Variants in PTPRJ observed in about 807,000 individuals in gnomAD.
The protein encoded by PTPRJ is protein tyrosine phosphatase receptor type J.
A neutral mutation model predicts 141.3 loss-of-function variants in PTPRJ; 129 were observed. That is an observed-to-expected ratio of 0.91 (90% CI 0.79 to 1.06). PTPRJ has a LOEUF of 1.06. PTPRJ is among the 50% of genes least tolerant of loss of function. PTPRJ has a pLI of 0.00. For missense variants in PTPRJ, 1,601 were observed against 1,679.7 expected (o/e 0.95, Z 0.82); for synonymous variants, 610 against 640.5 (o/e 0.95, Z 0.72).
intron 14 of PTPRJ, among the ~76,000 whole-genome samples, chr11:48,145,901 G>A (rs1857339342): frequency 6.6e-6 from 1 of 152,136 alleles, no homozygotes; most frequent in Non-Finnish European, 1.5e-5. Context: ...CTGTTGCCCA[G>A]GAGTACAGTG....
intron 1 of PTPRJ, among the ~76,000 whole-genome samples, chr11:48,053,936 T>G (rs1854679315): frequency 6.9e-6 from 1 of 145,466 alleles, no homozygotes; most frequent in Non-Finnish European, 1.5e-5. Context: ...CGTTCTTTTT[T>G]TTTTTTTTTT....
At chr11:48,149,546 C>A in intron 16 of PTPRJ, 58 bp downstream of exon 16, 1 of 1,142,662 alleles carries the variant, frequency 8.8e-7, no homozygotes, top group Non-Finnish European at 1.2e-6. Context: ...CGGTGACTAT[C>A]TATAAATAAT....
At chr11:48,159,161 G>GT (rs60389100) in intron 21 of PTPRJ, among the ~76,000 whole-genome samples, 2 of 130,514 alleles carry the variant, frequency 1.5e-5, no homozygotes, top group Admixed American at 7.9e-5. Context: ...GTGTGTGTGT[G>GT]GTCATTTGCC....
At chr11:48,052,997 A>G (rs1854614925) in intron 1 of PTPRJ, among the ~76,000 whole-genome samples, 1 of 145,622 alleles carries the variant, frequency 6.9e-6, no homozygotes, top group Non-Finnish European at 1.5e-5. Flanking sequence ...GGTGGCCACC[A>G]CTCATCGCCA....
intron 3 of PTPRJ, among the ~76,000 whole-genome samples, chr11:48,117,225 A>G (rs891453360): frequency 2.6e-5 from 4 of 152,206 alleles, no homozygotes; most frequent in African/African-American, 9.6e-5. Context: ...AAGAAAGTTG[A>G]CAGCAATAAA....
At chr11:47,995,808 G>T (rs910021977) in intron 1 of PTPRJ, among the ~76,000 whole-genome samples, 1 of 152,216 alleles carries the variant, frequency 6.6e-6, no homozygotes, top group Admixed American at 6.5e-5. Flanking sequence ...GGGAGGCTGA[G>T]GCGGGCGGAT....
chr11:48,140,827 G>C (rs1857214300), intron 11 of PTPRJ, among the ~76,000 whole-genome samples: 1 of 146,626 alleles, frequency 6.8e-6, no homozygotes, highest in Non-Finnish European at 1.5e-5. Flanking sequence ...TTTCTGTGAA[G>C]TATTAATGAG....
intron 21 of PTPRJ, 40 bp from the exon 22 acceptor site, chr11:48,159,890 A>T: frequency 6.2e-7 from 1 of 1,610,756 alleles, no homozygotes; most frequent in Non-Finnish European, 8.5e-7. Flanking sequence ...GGCAGATGGC[A>T]TGATCTGAGT....
chr11:48,070,788 A>T (rs1444574571), intron 1 of PTPRJ, among the ~76,000 whole-genome samples: 1 of 152,190 alleles, frequency 6.6e-6, no homozygotes, highest in Non-Finnish European at 1.5e-5. Context: ...TGTTCTATGT[A>T]TTATTCTGTG....
At chr11:48,068,666 C>T (rs937139823) in intron 1 of PTPRJ, among the ~76,000 whole-genome samples, 12 of 152,280 alleles carry the variant, frequency 7.9e-5, no homozygotes, top group Admixed American at 7.2e-4. Flanking sequence ...ACTGTAGTGA[C>T]GGCAAGAGCT....
intron 1 of PTPRJ, among the ~76,000 whole-genome samples, chr11:48,063,707 A>ATC (rs1855002063): frequency 6.6e-6 from 1 of 152,220 alleles, no homozygotes; most frequent in Non-Finnish European, 1.5e-5. Context: ...GATTTTTAGC[A>ATC]TCATTCAAAA....
chr11:48,080,034 G>A (rs542748632), intron 1 of PTPRJ, among the ~76,000 whole-genome samples: 109 of 152,312 alleles, frequency 7.2e-4, no homozygotes, highest in Non-Finnish European at 1.4e-3. Flanking sequence ...CTGTGAGTCT[G>A]AGGGCAGATG....
At chr11:48,072,268 C>T (rs1427895167) in intron 1 of PTPRJ, among the ~76,000 whole-genome samples, 2 of 152,156 alleles carry the variant, frequency 1.3e-5, no homozygotes, top group Non-Finnish European at 2.9e-5. Flanking sequence ...TGGGAAGTCT[C>T]GTATCAAGGT....
At chr11:48,015,158 G>A (rs996226849) in intron 1 of PTPRJ, among the ~76,000 whole-genome samples, 4 of 152,256 alleles carry the variant, frequency 2.6e-5, no homozygotes, top group Admixed American at 6.5e-5. Flanking sequence ...TGGAGTCTGC[G>A]GTGGGGATGC....
intron 1 of PTPRJ, among the ~76,000 whole-genome samples, chr11:48,108,303 A>G (rs1313166201): frequency 6.6e-6 from 1 of 152,218 alleles, no homozygotes; most frequent in Non-Finnish European, 1.5e-5. Context: ...CGCCAAAGCA[A>G]GGCAGGTACA....
chr11:48,018,184 T>C (rs1290594742), intron 1 of PTPRJ, among the ~76,000 whole-genome samples: 7 of 152,084 alleles, frequency 4.6e-5, no homozygotes, highest in South Asian at 2.1e-4. Flanking sequence ...TTTTTTTTTT[T>C]CCTTAATTCT....
At chr11:48,049,640 G>A (rs1854508579) in intron 1 of PTPRJ, among the ~76,000 whole-genome samples, 2 of 151,688 alleles carry the variant, frequency 1.3e-5, no homozygotes. Context: ...CTTGAACCTG[G>A]GAGGTGGAGA....
chr11:48,041,980 G>A (rs1854281725), intron 1 of PTPRJ, among the ~76,000 whole-genome samples: 1 of 129,910 alleles, frequency 7.7e-6, no homozygotes, highest in African/African-American at 2.8e-5. Flanking sequence ...CAACTCTTGA[G>A]GTGGGGGGTG....
chr11:48,047,647 C>T (rs953315277), intron 1 of PTPRJ, among the ~76,000 whole-genome samples: 2 of 152,094 alleles, frequency 1.3e-5, no homozygotes, highest in African/African-American at 2.4e-5. Context: ...GGACGACAGG[C>T]GCGTGCCACC....
Sources: gnomAD v4.1 joint callset for allele counts (sites outside exome capture counted in the v4.1 genomes callset) on GRCh38, gnomAD v4.1.1 for gene constraint, MANE v1.5 for transcripts, NCBI Gene and HGNC (gene_info 2026-07-23, HGNC 2026-07-21) for gene names.